EPHA6: variants seen among roughly 807,000 people sequenced by gnomAD.
EPHA6 encodes ephrin type-A receptor 6.
In EPHA6, 50 loss-of-function variants were observed where a neutral mutation model predicts 112.0. That is an observed-to-expected ratio of 0.45 (90% confidence interval 0.36 to 0.56). EPHA6 has a LOEUF of 0.56. Ranked by LOEUF, EPHA6 falls within the 20% of genes least tolerant of loss-of-function variation. The pLI is 0.00. For synonymous variants in EPHA6, 529 were observed against 490.7 expected (o/e 1.08, Z -1.03); for missense variants, 1,280 against 1,417.4 (o/e 0.90, Z 1.56).
At chr3:97,654,953 T>G (rs574753931) in intron 14 of EPHA6, among the ~76,000 whole-genome samples, 33 of 151,386 alleles carry the variant, frequency 2.2e-4, no homozygotes, top group African/African-American at 7.7e-4. Flanking sequence ...GGGAGAGAGA[T>G]AGCAAAGAGA....
intron 2 of EPHA6, among the ~76,000 whole-genome samples, chr3:96,968,198 A>C (rs2042195832): frequency 6.6e-6 from 1 of 151,750 alleles, no homozygotes; most frequent in Admixed American, 6.6e-5. Context: ...AGATCATTTA[A>C]GTGTACTGAC....
chr3:97,459,960 A>T (rs2090830240), intron 7 of EPHA6, among the ~76,000 whole-genome samples: 1 of 152,204 alleles, frequency 6.6e-6, no homozygotes, highest in African/African-American at 2.4e-5. Flanking sequence ...CTTCTGAGAA[A>T]ACTGGAGCTA....
chr3:97,636,397 T>C (rs144923988), intron 13 of EPHA6, among the ~76,000 whole-genome samples: 75 of 152,200 alleles, frequency 4.9e-4, no homozygotes, highest in African/African-American at 1.4e-3. Context: ...AAGATGGATT[T>C]GAAACAGAAA....
chr3:96,916,767 A>G (rs1263245053), intron 2 of EPHA6, among the ~76,000 whole-genome samples: 4 of 152,176 alleles, frequency 2.6e-5, no homozygotes, highest in Non-Finnish European at 4.4e-5. Flanking sequence ...TCATTTTTAT[A>G]GGTCTTCAGA....
At position 96,834,464 on chromosome 3, in the gene EPHA6, C is replaced by A. The variant is rs139944447; in HGVS notation, c.385+19456C>A. On this transcript the variant is annotated intron_variant, in intron 1 of 17. Coordinates refer to ENST00000389672, the MANE Select transcript of EPHA6 (RefSeq NM_001080448.3). ...GTATTTTGAAGGTGTATTGATACCA[C>A]AGCTCTGAAATATTAGCAGTAATGA... Among the ~76,000 whole-genome samples the A allele has an allele frequency of 1.7e-3, 264 of 152,090 alleles. 1 individual carries two copies. Among genetic ancestry groups the A allele is most frequent in the Middle Eastern group, 3.4e-3 (1 of 294 alleles).
At chr3:97,149,236 T>C (rs2076112867) in intron 3 of EPHA6, among the ~76,000 whole-genome samples, 1 of 152,122 alleles carries the variant, frequency 6.6e-6, no homozygotes, top group South Asian at 2.1e-4. Context: ...CTAGAGGACT[T>C]TGATGCACAT....
At chr3:96,915,450 G>C (rs1245413515) in intron 2 of EPHA6, among the ~76,000 whole-genome samples, 1 of 152,056 alleles carries the variant, frequency 6.6e-6, no homozygotes, top group Admixed American at 6.6e-5. Flanking sequence ...TGAATGGGAG[G>C]TGATGAGCAG....
chr3:97,192,565 A>G (rs988492649), intron 3 of EPHA6, among the ~76,000 whole-genome samples: 27 of 152,008 alleles, frequency 1.8e-4, no homozygotes, highest in African/African-American at 5.6e-4. Flanking sequence ...ATTTTCTTCT[A>G]TTCTGTGGGT....
chr3:97,704,221 AT>A (rs1246224579), intron 14 of EPHA6, among the ~76,000 whole-genome samples: 1 of 152,206 alleles, frequency 6.6e-6, no homozygotes, highest in Non-Finnish European at 1.5e-5. Context: ...GTAAAACATT[AT>A]TTCTGGGTGC....
In EPHA6 at chr3:97,636,388, A is replaced by G. The variant is rs532519214; in HGVS notation, c.2575-1485A>G. 1.1e-3 allele frequency among the ~76,000 whole-genome samples: 162 copies of G among 152,268 alleles called. 1 individual carries two copies. The Middle Eastern group carries it at 0.017, about 16-fold the overall frequency. On this transcript the variant is annotated intron_variant, in intron 13 of 17. Transcript: ENST00000389672. ...TCATCTAATAGTGTACTGTCTAAGA[A>G]GATGGATTTGAAACAGAAAGAGCTA...
intron 2 of EPHA6, among the ~76,000 whole-genome samples, chr3:96,900,924 C>A (rs763267355): frequency 2.6e-5 from 4 of 152,150 alleles, no homozygotes; most frequent in Non-Finnish European, 4.4e-5. Context: ...ACTGGAATAT[C>A]CATGGATTTC....
chr3:97,061,182 G>A (rs2046010668), intron 3 of EPHA6, among the ~76,000 whole-genome samples: 1 of 152,134 alleles, frequency 6.6e-6, no homozygotes, highest in Non-Finnish European at 1.5e-5. Flanking sequence ...GTGGTATATA[G>A]ATTTTATGAG....
chr3:97,566,395 C>T (rs1480128821), intron 11 of EPHA6, among the ~76,000 whole-genome samples: 3 of 152,296 alleles, frequency 2.0e-5, no homozygotes, highest in East Asian at 3.9e-4. Flanking sequence ...AGTACTCAAC[C>T]TATCTGGTCA....
intron 1 of EPHA6, among the ~76,000 whole-genome samples, chr3:96,838,086 C>G (rs1475405361): frequency 6.6e-6 from 1 of 151,734 alleles, no homozygotes; most frequent in Non-Finnish European, 1.5e-5. Context: ...CCCCCTGCCC[C>G]CCACCCAATG....
chr3:97,637,623 T>A (rs753721630), intron 13 of EPHA6, among the ~76,000 whole-genome samples: 4 of 152,208 alleles, frequency 2.6e-5, no homozygotes, highest in Non-Finnish European at 5.9e-5. Context: ...AATTTTGTTC[T>A]GAGAGTTAAT....
intron 2 of EPHA6, among the ~76,000 whole-genome samples, chr3:96,912,561 C>T (rs1397132332): frequency 6.6e-6 from 1 of 152,056 alleles, no homozygotes; most frequent in Non-Finnish European, 1.5e-5. Context: ...AGGATTTAGT[C>T]AGGCAAAAAG....
Position 97,565,265 on chromosome 3 carries a change from A to C in EPHA6, c.2387-27347A>C, listed in dbSNP as rs77244884. On this transcript the variant is annotated intron_variant, in intron 11 of 17. Coordinates refer to ENST00000389672, the MANE Select transcript of EPHA6 (RefSeq NM_001080448.3). ...ATATTCAAGGAAAATTAGCCCCAAGAAAAAAAAAAGCAATTATGCATTTGT... is the reference window on the plus strand; with the variant it reads ...ATATTCAAGGAAAATTAGCCCCAAGCAAAAAAAAAGCAATTATGCATTTGT... 4.0e-5 allele frequency among the ~76,000 whole-genome samples: 6 copies of C among 149,172 alleles called. No homozygotes were observed. The South Asian group carries it at 1.1e-3, about 26-fold the overall frequency.
intron 10 of EPHA6, among the ~76,000 whole-genome samples, chr3:97,489,587 G>A (rs1001770406): frequency 1.3e-5 from 2 of 151,556 alleles, no homozygotes; most frequent in Non-Finnish European, 1.5e-5. Flanking sequence ...TCCGGAGGCT[G>A]AGGCAAGAGA....
intron 3 of EPHA6, among the ~76,000 whole-genome samples, chr3:97,077,364 C>T (rs1222807463): frequency 6.6e-6 from 1 of 151,866 alleles, no homozygotes; most frequent in Non-Finnish European, 1.5e-5. Flanking sequence ...TAAAGTGGAG[C>T]TTGAAGGTAT....
Sources: allele counts gnomAD v4.1 joint callset (sites outside exome capture counted in the v4.1 genomes callset), GRCh38; gene constraint gnomAD v4.1.1; transcripts MANE v1.5; gene names NCBI Gene and HGNC (gene_info 2026-07-23, HGNC 2026-07-21).